TPST1: variants seen among roughly 807,000 people sequenced by gnomAD.
TPST1 encodes tyrosylprotein sulfotransferase 1.
TPST1 carries 20 observed loss-of-function variants against 34.8 expected under a neutral mutation model. That is an observed-to-expected ratio of 0.57 (90% CI 0.40 to 0.84). TPST1 has a LOEUF of 0.84. Ranked by LOEUF, TPST1 falls within the 40% of genes least tolerant of loss-of-function variation. TPST1 has a pLI of 0.00. For synonymous variants in TPST1, 152 were observed against 159.4 expected, an observed-to-expected ratio of 0.95 and a Z score of 0.35; for missense variants, 353 against 455.5, an observed-to-expected ratio of 0.78 and a Z score of 2.05.
intron 3 of TPST1, among the ~76,000 whole-genome samples, chr7:66,301,878 GA>G (rs1791325517): frequency 1.3e-5 from 2 of 152,210 alleles, no homozygotes; most frequent in African/African-American, 4.8e-5. Context: ...AAAGAGACAT[GA>G]AGGGAGTGCA....
intron 2 of TPST1, among the ~76,000 whole-genome samples, chr7:66,243,169 T>TTGTGTGTG (rs892467097): frequency 1.0e-4 from 14 of 133,562 alleles, no homozygotes; most frequent in African/African-American, 3.1e-4. Context: ...GTGTGTGTGT[T>TTGTGTGTG]TGTGTGTGTG....
upstream of TPST1, chr7:66,205,305 G>A (rs1415640841): frequency 6.6e-6 from 1 of 152,376 alleles, no homozygotes; most frequent in African/African-American, 2.4e-5. The surrounding 1 kb of genome is among the most constrained non-coding windows in gnomAD (Gnocchi z 5.0). Context: ...CCGGACCCTG[G>A]CGGTTGTCGC....
the TPST1 span, among the ~76,000 whole-genome samples, chr7:66,199,879 A>G: frequency 2.6e-5 from 4 of 151,748 alleles, no homozygotes; most frequent in Non-Finnish European, 5.9e-5. Flanking sequence ...ATGCCCGGCT[A>G]ATTGTTGTAT....
intron 3 of TPST1, among the ~76,000 whole-genome samples, chr7:66,293,567 A>C (rs1341471845): frequency 6.6e-6 from 1 of 152,216 alleles, no homozygotes; most frequent in Admixed American, 6.5e-5. Flanking sequence ...GCAGTCTTCC[A>C]CTGCATTTTA....
intron 3 of TPST1, among the ~76,000 whole-genome samples, chr7:66,312,135 AG>A (rs1424914860): frequency 3.9e-5 from 6 of 152,218 alleles, no homozygotes; most frequent in Non-Finnish European, 2.9e-5. Context: ...CGTACATTTT[AG>A]TTGTCTTTTA....
At chr7:66,302,508 T>C (rs934655668) in intron 3 of TPST1, among the ~76,000 whole-genome samples, 1 of 152,168 alleles carries the variant, frequency 6.6e-6, no homozygotes, top group Non-Finnish European at 1.5e-5. Flanking sequence ...GTCAAGAGAT[T>C]TGTTTTTACA....
chr7:66,241,060 T>C lies in TPST1; in HGVS notation c.635T>C (p.Leu212Ser), dbSNP rs1285202566. Residue 212 changes from leucine (L) to serine (S), a missense_variant, in exon 2 of 6, where the codon TTG becomes TCG. By Grantham distance (145) the Leu-to-Ser change is moderately radical (BLOSUM62 -2). Transcript: ENST00000304842. Reference sequence around the variant, plus strand: ...GATCTGAACAGCTATAGGGACTGTTTGACAAAGTGGAATCGTGCTATAGAG... The same window carrying C: ...GATCTGAACAGCTATAGGGACTGTTCGACAAAGTGGAATCGTGCTATAGAG... ...GFDLNSYRDC[L>S]TKWNRAIETM... 3 of 1,614,134 alleles carry C rather than the reference T, an allele frequency of 1.9e-6. No individual in the cohort carries two copies. Among genetic ancestry groups the C allele is most frequent in the African/African-American group, 2.7e-5 (2 of 74,946 alleles).
intron 2 of TPST1, among the ~76,000 whole-genome samples, chr7:66,282,662 A>G (rs1790955009): frequency 6.6e-6 from 1 of 152,200 alleles, no homozygotes; most frequent in South Asian, 2.1e-4. Context: ...CTAAATAACT[A>G]GAACCCATGG....
rs1562830359 is a variant in TPST1, at chr7:66,286,824, T to TTTTTTTTGG, written c.1044+122_1044+123insGGTTTTTTT. The TTTTTTTTGG allele has an allele frequency of 9.8e-5, 61 of 624,590 alleles. 3 individuals carry two copies. Among genetic ancestry groups the TTTTTTTTGG allele is most frequent in the Non-Finnish European group, 1.4e-4 (61 of 445,228 alleles). 38.7% of individuals were successfully genotyped at this position (624,590 alleles called of 1,614,324 possible). A position where few individuals can be genotyped will look rare whatever the true frequency, so the allele number is the denominator to read the frequency against. On this transcript the variant is annotated intron_variant, in intron 3 of 5. Coordinates refer to ENST00000304842, the MANE Select transcript of TPST1 (RefSeq NM_003596.4). ...TAATGATCAGAAAAATATATTTTTTTTTTTTTTCATTTATTTTTATTTTAT... is the reference window on the plus strand; with the variant it reads ...TAATGATCAGAAAAATATATTTTTTTTTTTTTTGGTTTTTTTCATTTATTTTTATTTTAT...
At chr7:66,331,730 T>C (rs1160408170) in intron 3 of TPST1, among the ~76,000 whole-genome samples, 1 of 152,222 alleles carries the variant, frequency 6.6e-6, no homozygotes, top group Non-Finnish European at 1.5e-5. Flanking sequence ...TTATAATTTC[T>C]GTTTCTTTCT....
At chr7:66,265,342 G>A (rs1790569066) in intron 2 of TPST1, among the ~76,000 whole-genome samples, 1 of 152,084 alleles carries the variant, frequency 6.6e-6, no homozygotes, top group African/African-American at 2.4e-5. Flanking sequence ...TTGAGCCCAA[G>A]AGTTTGAGAC....
intron 3 of TPST1, among the ~76,000 whole-genome samples, chr7:66,349,067 A>G (rs1412231015): frequency 6.6e-6 from 1 of 152,212 alleles, no homozygotes; most frequent in African/African-American, 2.4e-5. Context: ...AAAGAGGAAG[A>G]AAGATTTCAC....
chr7:66,278,959 G>A (rs1790878221), intron 2 of TPST1, among the ~76,000 whole-genome samples: 1 of 152,022 alleles, frequency 6.6e-6, no homozygotes, highest in African/African-American at 2.4e-5. Context: ...TTAGGTTCAG[G>A]GAGTACATGC....
At chr7:66,337,059 A>G (rs1792134964) in intron 3 of TPST1, among the ~76,000 whole-genome samples, 1 of 152,192 alleles carries the variant, frequency 6.6e-6, no homozygotes. Flanking sequence ...CAGACAAACA[A>G]AAGTTGAGGG....
intron 3 of TPST1, among the ~76,000 whole-genome samples, chr7:66,328,906 ATTTTTTTT>A (rs1172711561): frequency 7.6e-5 from 1 of 13,158 alleles, no homozygotes; most frequent in East Asian, 1.7e-3. Flanking sequence ...ATATATATAT[ATTTTTTTT>A]TTTTTTTTTT....
At chr7:66,235,927 G>C (rs1309970242) in intron 1 of TPST1, among the ~76,000 whole-genome samples, 3 of 152,102 alleles carry the variant, frequency 2.0e-5, no homozygotes, top group Non-Finnish European at 4.4e-5. Context: ...TTTCTGATTA[G>C]CCTTTCCAAA....
intron 2 of TPST1, among the ~76,000 whole-genome samples, chr7:66,255,169 T>C (rs955168561): frequency 2.1e-5 from 3 of 146,008 alleles, no homozygotes; most frequent in Non-Finnish European, 4.5e-5. Context: ...AAAAAAAAGT[T>C]GTTTTTAAGT....
chr7:66,253,497 G>C (rs1047993878), intron 2 of TPST1, among the ~76,000 whole-genome samples: 1 of 150,226 alleles, frequency 6.7e-6, no homozygotes, highest in Non-Finnish European at 1.5e-5. Context: ...CAATTCTCCC[G>C]AGTAGCTGGG....
Position 66,286,460 on chromosome 7 carries a change from A to G in TPST1, c.846-51A>G, listed in dbSNP as rs4149464. On this transcript the variant is annotated intron_variant, in intron 2 of 5. Transcript: ENST00000304842. Reference sequence around the variant, plus strand: ...TAATTTATAGTGGTTTTAAAGCATGATTTTCTAAAAAATTTTAAATAAATA... The same window carrying G: ...TAATTTATAGTGGTTTTAAAGCATGGTTTTCTAAAAAATTTTAAATAAATA... 9.8e-3 allele frequency: 13,203 copies of G among 1,348,576 alleles called. 399 individuals carry two copies. In the East Asian group the frequency reaches 0.11, roughly 11 times the overall value. 83.5% of individuals were successfully genotyped at this position (1,348,576 alleles called of 1,614,324 possible). A position where few individuals can be genotyped will look rare whatever the true frequency, so the allele number is the denominator to read the frequency against.
Sources: allele counts gnomAD v4.1 joint callset (sites outside exome capture counted in the v4.1 genomes callset), GRCh38; gene constraint gnomAD v4.1.1; non-coding constraint Gnocchi (gnomAD v3.1); transcripts MANE v1.5; gene names NCBI Gene and HGNC (gene_info 2026-07-23, HGNC 2026-07-21).